Variants in UHRF1 observed in about 807,000 individuals in gnomAD.
UHRF1 encodes E3 ubiquitin-protein ligase UHRF1.
UHRF1 carries 9 observed loss-of-function variants against 96.5 expected under a neutral mutation model. The observed-to-expected ratio is 0.09, with a 90% CI of 0.06 to 0.16. UHRF1 has a LOEUF of 0.16. Ranked by LOEUF, UHRF1 falls within the 10% of genes least tolerant of loss-of-function variation. The pLI is 1.00. For missense variants in UHRF1, 626 were observed against 1,131.1 expected (o/e 0.55, Z 6.40); for synonymous variants, 455 against 469.9 (o/e 0.97, Z 0.41).
intron 1 of UHRF1, chr19:4,910,588 C>T: frequency 6.2e-6 from 2 of 322,294 alleles, no homozygotes; most frequent in Non-Finnish European, 1.1e-5. Flanking sequence ...CTCCTCTGGT[C>T]GTGGGGAAGG....
rs2032412863 is a variant in UHRF1 at position 4,914,464 on chromosome 19, C to A, written c.153+3426C>A. Among the ~76,000 whole-genome samples, 3 of 152,022 alleles carry A rather than the reference C, an allele frequency of 2.0e-5. No homozygotes were observed. The South Asian group carries it at 6.2e-4, about 32-fold the overall frequency. ...AGGTCTGCAGTGAAGTTGATGGAGA[C>A]CCCAGAGCAGAACAGAGTTGGGTCT... On this transcript the variant is annotated intron_variant, in intron 2 of 16. Coordinates refer to ENST00000650932, the MANE Select transcript of UHRF1 (RefSeq NM_001048201.3).
intron 5 of UHRF1, among the ~76,000 whole-genome samples, chr19:4,940,381 T>TTTTTTTTG (rs2033356005): frequency 7.0e-6 from 1 of 142,442 alleles, no homozygotes; most frequent in Non-Finnish European, 1.5e-5. Context: ...TTTTTTTTTT[T>TTTTTTTTG]TTGAGATGGA....
At chr19:4,956,325 A>C (rs2033856212) in intron 15 of UHRF1, among the ~76,000 whole-genome samples, 1 of 152,166 alleles carries the variant, frequency 6.6e-6, no homozygotes, top group South Asian at 2.1e-4. Context: ...TTGGCCTTCC[A>C]AAGTTCTGGG....
chr19:4,926,404 C>A (rs747682885), intron 2 of UHRF1, among the ~76,000 whole-genome samples: 8 of 152,244 alleles, frequency 5.3e-5, no homozygotes, highest in Non-Finnish European at 1.0e-4. Context: ...GAGGCACTCA[C>A]TTCTAGCTGG....
rs994569260 is a variant in UHRF1, at chr19:4,917,756, C to G, written c.153+6718C>G. On this transcript the variant is annotated intron_variant, in intron 2 of 16. Transcript: ENST00000650932. ...TACTGCAACCTCTGTTTTCCAGGCT[C>G]AAGCAATCCTCCTACTTCAGCCTCC... Among the ~76,000 whole-genome samples the G allele has an allele frequency of 2.7e-5, 4 of 150,824 alleles. No individual in the cohort carries two copies. The East Asian group carries it at 8.0e-4, about 30-fold the overall frequency.
chr19:4,945,221 G>A (rs1006842987), intron 9 of UHRF1, among the ~76,000 whole-genome samples: 6 of 152,158 alleles, frequency 3.9e-5, no homozygotes, highest in South Asian at 2.1e-4. Flanking sequence ...AATGAAGGCC[G>A]GCTTTTATAT....
At chr19:4,956,869 C>A in intron 16 of UHRF1, 56 bp downstream of exon 16, 2 of 1,246,226 alleles carry the variant, frequency 1.6e-6, no homozygotes, top group Non-Finnish European at 2.3e-6. Flanking sequence ...ATGACCTGAC[C>A]TCCCGTTCCC....
intron 11 of UHRF1, among the ~76,000 whole-genome samples, chr19:4,950,027 C>T (rs924159497): frequency 4.2e-5 from 6 of 142,932 alleles, no homozygotes; most frequent in East Asian, 2.1e-4. Context: ...CATGTTACCA[C>T]GCCTGGCTAT....
At chr19:4,946,189 C>T (rs760784942) in intron 10 of UHRF1, among the ~76,000 whole-genome samples, 56 of 152,138 alleles carry the variant, frequency 3.7e-4, no homozygotes, top group Admixed American at 7.9e-4. Context: ...ACTCCCCACC[C>T]CCTCCCAGTC....
In UHRF1 at chr19:4,939,196, G is replaced by GCAT. The variant is rs749573778; in HGVS notation, c.786-2331_786-2329dup. On this transcript the variant is annotated intron_variant, in intron 5 of 16. Coordinates refer to ENST00000650932, the MANE Select transcript of UHRF1 (RefSeq NM_001048201.3). ...GCCTCCCAAAGTGCTAGGATTACAG[G>GCAT]CATGAGCCACTGCACCCGGCCATTT... Among the ~76,000 whole-genome samples the GCAT allele has an allele frequency of 2.0e-4, 30 of 150,140 alleles. 1 individual carries two copies. The highest frequency in any genetic ancestry group is 3.8e-4 in the Non-Finnish European group (26 of 67,706).
intron 2 of UHRF1, among the ~76,000 whole-genome samples, chr19:4,927,913 G>A (rs2032925217): frequency 6.6e-6 from 1 of 152,206 alleles, no homozygotes; most frequent in Admixed American, 6.5e-5. Flanking sequence ...AACTCCTGAC[G>A]GGGCAGACGT....
intron 16 of UHRF1, among the ~76,000 whole-genome samples, chr19:4,957,062 T>G (rs990724122): frequency 2.6e-5 from 4 of 152,230 alleles, no homozygotes; most frequent in Middle Eastern, 3.4e-3. Flanking sequence ...AGTCTTGGCC[T>G]AAGGTCTGGA....
chr19:4,928,160 G>A (rs993534594), intron 2 of UHRF1, among the ~76,000 whole-genome samples: 1 of 152,040 alleles, frequency 6.6e-6, no homozygotes, highest in Non-Finnish European at 1.5e-5. Flanking sequence ...TCACAACTAC[G>A]GGGTGCTCCT....
chr19:4,925,252 TGAAAG>T (rs1048234903), intron 2 of UHRF1, among the ~76,000 whole-genome samples: 4 of 152,230 alleles, frequency 2.6e-5, no homozygotes, highest in African/African-American at 7.2e-5. Flanking sequence ...TTTGTCACCT[TGAAAG>T]GAAACCCTGA....
rs776490978 is a variant in UHRF1 at position 4,932,756 on chromosome 19, C to T, written c.585C>T (p.Gly195=). ...TTCCTCCCAGCTACCCGGAGAACGG[C>T]GTGGTCCAGATGAACTCCAGGGACG... The part of the protein sequence containing the change: ...HVKYDDYPEN[G]VVQMNSRDVR... The change falls in exon 5 of 17, where the codon GGC becomes GGT. Residue 195 remains glycine (G), a synonymous_variant. Coordinates refer to ENST00000650932, the MANE Select transcript of UHRF1 (RefSeq NM_001048201.3). 27 of 1,613,820 alleles carry T rather than the reference C, an allele frequency of 1.7e-5. No homozygotes were observed. Among genetic ancestry groups the T allele is most frequent in the South Asian group, 4.4e-5 (4 of 91,078 alleles).
intron 5 of UHRF1, among the ~76,000 whole-genome samples, chr19:4,938,084 G>A (rs60534718): frequency 6.6e-6 from 1 of 152,064 alleles, no homozygotes; most frequent in Admixed American, 6.6e-5. Flanking sequence ...AACCTGGGAG[G>A]TGGAGGTTGC....
chr19:4,933,413 T>C (rs2033120284), intron 5 of UHRF1, among the ~76,000 whole-genome samples: 1 of 152,172 alleles, frequency 6.6e-6, no homozygotes. Flanking sequence ...AGACGGGGTT[T>C]CACCGTTAAC....
intron 11 of UHRF1, among the ~76,000 whole-genome samples, chr19:4,948,002 G>A (rs2033618502): frequency 6.6e-6 from 1 of 151,612 alleles, no homozygotes; most frequent in Admixed American, 6.6e-5. Flanking sequence ...TAGTCAGGAG[G>A]CTGAGGCAGG....
chr19:4,914,483 TG>T (rs2032413837), intron 2 of UHRF1, among the ~76,000 whole-genome samples: 1 of 151,870 alleles, frequency 6.6e-6, no homozygotes, highest in South Asian at 2.1e-4. Context: ...AGAACAGAGT[TG>T]GGTCTGTCTC....
Sources: allele counts gnomAD v4.1 joint callset (sites outside exome capture counted in the v4.1 genomes callset), GRCh38; gene constraint gnomAD v4.1.1; transcripts MANE v1.5; gene names NCBI Gene and HGNC (gene_info 2026-07-23, HGNC 2026-07-21).